WDR64: variants seen among roughly 807,000 people sequenced by gnomAD.
The protein encoded by WDR64 is WD repeat domain 64.
A neutral mutation model predicts 139.3 loss-of-function variants in WDR64; 112 were observed. The observed-to-expected ratio is 0.80, with a 90% CI of 0.69 to 0.94. The LOEUF (loss-of-function observed/expected upper bound fraction) is 0.94. Ranked by LOEUF, WDR64 falls within the 40% of genes least tolerant of loss-of-function variation. WDR64 has a pLI of 0.00. For missense variants in WDR64, 1,206 were observed against 1,293.1 expected (o/e 0.93, Z 1.03); for synonymous variants, 444 against 437.7 (o/e 1.01, Z -0.18).
chr1:241,660,573 C>T lies in WDR64; in HGVS notation c.189C>T (p.Leu63=), dbSNP rs746283532. The T allele has an allele frequency of 3.2e-6, 5 of 1,551,648 alleles. No homozygotes were observed. The highest frequency in any genetic ancestry group is 4.4e-6 in the Non-Finnish European group (5 of 1,146,874). The change falls in exon 2 of 28, where the codon CTC becomes CTT. Residue 63 remains leucine, a synonymous_variant. Transcript: ENST00000437684. ...YDKFYASVQK[L]FGPDVKNQDV... ...AGTTTTATGCATCGGTACAGAAGCT[C>T]TTTGGTCCAGATGTGAAGAATCAAG...
chr1:241,764,879 C>T (rs1010953999), intron 15 of WDR64, among the ~76,000 whole-genome samples: 2 of 152,042 alleles, frequency 1.3e-5, no homozygotes, highest in African/African-American at 4.8e-5. Flanking sequence ...AAAAATAGCG[C>T]TAACCAATGA....
chr1:241,773,306 T>C (rs114522827), intron 20 of WDR64, among the ~76,000 whole-genome samples: 2,540 of 152,304 alleles, frequency 0.017, 90 homozygotes, highest in African/African-American at 0.058. Context: ...AGCCTCACAG[T>C]TGGAATTTCT....
intron 20 of WDR64, among the ~76,000 whole-genome samples, chr1:241,773,815 C>T (rs1658552323): frequency 6.6e-6 from 1 of 152,138 alleles, no homozygotes; most frequent in African/African-American, 2.4e-5. Flanking sequence ...TCAAATCTTT[C>T]TTTTAAATTG....
At chr1:241,705,323 T>C (rs549204399) in intron 8 of WDR64, among the ~76,000 whole-genome samples, 299 of 151,900 alleles carry the variant, frequency 2.0e-3, no homozygotes, top group Non-Finnish European at 2.6e-3. Flanking sequence ...GGGCGGATCA[T>C]GAGGTCAGGA....
rs1658513699 is a variant in WDR64, at chr1:241,772,847, T to C, written c.2346T>C (p.Pro782=). ...AACAGCCAATGGACAAAAAACACCC[T>C]GGAATTGCCAATTTACCAGAAGCCC... is the stretch of plus-strand genomic sequence containing the variant. ...GKQQPMDKKH[P]GIANLPEAQP... is the part of the protein sequence containing the mutation. The change falls in exon 20 of 28, where the codon CCT becomes CCC. Residue 782 remains proline (P), a synonymous_variant. Coordinates refer to ENST00000437684, the MANE Select transcript of WDR64 (RefSeq NM_001367482.1). 1 of 1,551,968 alleles carries C rather than the reference T, an allele frequency of 6.4e-7. No individual in the cohort carries two copies. The highest frequency in any genetic ancestry group is 1.2e-5 in the South Asian group (1 of 84,060).
intron 9 of WDR64, among the ~76,000 whole-genome samples, chr1:241,720,843 G>C (rs1318248713): frequency 6.6e-6 from 1 of 152,062 alleles, no homozygotes; most frequent in African/African-American, 2.4e-5. Flanking sequence ...CATTGCCTTT[G>C]GTGTTTTTGT....
intron 23 of WDR64, among the ~76,000 whole-genome samples, chr1:241,784,014 G>C (rs1038058450): frequency 6.6e-6 from 1 of 152,192 alleles, no homozygotes. Context: ...GAGGTAGAGA[G>C]GCTTTGAAGT....
intron 1 of WDR64, 118 bp from the exon 2 acceptor site, chr1:241,660,412 T>A: frequency 7.8e-7 from 1 of 1,286,806 alleles, no homozygotes; most frequent in Non-Finnish European, 1.1e-6. Flanking sequence ...TGCAAATATA[T>A]CTGGTTTTTA....
intron 10 of WDR64, among the ~76,000 whole-genome samples, chr1:241,734,179 T>A (rs566894239): frequency 6.6e-6 from 1 of 152,134 alleles, no homozygotes; most frequent in Admixed American, 6.5e-5. Flanking sequence ...TACCTACCTG[T>A]GTCCTGGAAG....
chr1:241,677,391 C>T, intron 4 of WDR64: 1 of 398,548 alleles, frequency 2.5e-6, no homozygotes, highest in Non-Finnish European at 4.4e-6. Flanking sequence ...GAAAGACAGT[C>T]TGTGGGTAGC....
chr1:241,770,620 G>A lies in WDR64; in HGVS notation c.2184-1G>A. ...TGTGGGCTTCCCCACTCCCCTTATAGGAGATCAAGTCAGGATTCCATATGT... is the reference window on the plus strand; with the variant it reads ...TGTGGGCTTCCCCACTCCCCTTATAAGAGATCAAGTCAGGATTCCATATGT... On this transcript the variant is annotated splice_acceptor_variant, in intron 17 of 27. Coordinates refer to ENST00000437684, the MANE Select transcript of WDR64 (RefSeq NM_001367482.1). LOFTEE classifies it high-confidence loss of function. 1 of 1,551,138 alleles carries A rather than the reference G, an allele frequency of 6.4e-7. No individual in the cohort carries two copies.
chr1:241,686,809 G>A (rs571290783), intron 7 of WDR64, among the ~76,000 whole-genome samples: 2 of 152,242 alleles, frequency 1.3e-5, no homozygotes, highest in South Asian at 4.1e-4. Context: ...CAGATGGATT[G>A]ATTCAAATAA....
chr1:241,787,665 C>CAAAA (rs58063137), intron 23 of WDR64, among the ~76,000 whole-genome samples, 184 bp from the exon 24 acceptor site: 3 of 116,616 alleles, frequency 2.6e-5, no homozygotes, highest in East Asian at 2.4e-4. Context: ...AACTCCATCT[C>CAAAA]AAAAAAAAAA....
At chr1:241,758,249 T>C (rs1670284064) in intron 15 of WDR64, among the ~76,000 whole-genome samples, 1 of 151,292 alleles carries the variant, frequency 6.6e-6, no homozygotes, top group Non-Finnish European at 1.5e-5. Flanking sequence ...TTTTTTTTTC[T>C]TTAGCAAGAC....
At chr1:241,719,994 G>A (rs1162749477) in intron 9 of WDR64, among the ~76,000 whole-genome samples, 1 of 151,926 alleles carries the variant, frequency 6.6e-6, no homozygotes, top group Non-Finnish European at 1.5e-5. Context: ...GTTCCCCACC[G>A]TGAGTCCATG....
chr1:241,801,081 T>C (rs765195603), intron 27 of WDR64, 51 bp from the exon 28 acceptor site: 1 of 1,486,024 alleles, frequency 6.7e-7, no homozygotes, highest in Non-Finnish European at 9.4e-7. Flanking sequence ...TGGAAAATTG[T>C]GTTTGTCAGT....
At chr1:241,715,468 T>C (rs1199130894) in intron 9 of WDR64, among the ~76,000 whole-genome samples, 3 of 152,136 alleles carry the variant, frequency 2.0e-5, no homozygotes, top group Non-Finnish European at 4.4e-5. Flanking sequence ...ATGCAAGAGA[T>C]GAGGGAGGGA....
At chr1:241,783,735 A>G (rs1391170268) in intron 23 of WDR64, among the ~76,000 whole-genome samples, 2 of 152,254 alleles carry the variant, frequency 1.3e-5, no homozygotes, top group East Asian at 3.8e-4. Context: ...GTCATAGAAA[A>G]GTAATAGAAA....
intron 4 of WDR64, 133 bp from the exon 5 acceptor site, chr1:241,678,054 G>A (rs1666627333): frequency 5.0e-6 from 2 of 396,310 alleles, no homozygotes; most frequent in East Asian, 7.1e-5. Flanking sequence ...AGGAGAAACA[G>A]GGAGGAGACT....
Sources: gnomAD v4.1 joint callset for allele counts (sites outside exome capture counted in the v4.1 genomes callset) on GRCh38, gnomAD v4.1.1 for gene constraint, MANE v1.5 for transcripts, NCBI Gene and HGNC (gene_info 2026-07-23, HGNC 2026-07-21) for gene names.